TNIK: variants seen among roughly 807,000 people sequenced by gnomAD.
The protein encoded by TNIK is TRAF2 and NCK interacting kinase, also known as TRAF2 and NCK-interacting protein kinase.
A neutral mutation model predicts 191.3 loss-of-function variants in TNIK; 49 were observed. That is an observed-to-expected ratio of 0.26 (90% confidence interval 0.20 to 0.32). The LOEUF (loss-of-function observed/expected upper bound fraction) is 0.32. Ranked by LOEUF, TNIK falls within the 10% of genes least tolerant of loss-of-function variation. The pLI is 1.00. For missense variants in TNIK, 1,155 were observed against 1,702.3 expected, an observed-to-expected ratio of 0.68 and a Z score of 5.66; for synonymous variants, 594 against 600.9, an observed-to-expected ratio of 0.99 and a Z score of 0.17.
intron 26 of TNIK, 189 bp from the exon 27 acceptor site, chr3:171,082,583 T>C (rs1576758366): frequency 1.5e-6 from 1 of 686,330 alleles, no homozygotes; most frequent in Non-Finnish European, 2.3e-6. Flanking sequence ...GTAATGAAAT[T>C]ACAGTTTTCT....
chr3:171,191,350 C>CG (rs1396990126), intron 5 of TNIK, among the ~76,000 whole-genome samples: 1 of 152,160 alleles, frequency 6.6e-6, no homozygotes, highest in Non-Finnish European at 1.5e-5. Flanking sequence ...TGGATTCAAG[C>CG]GACTGCCTCA....
chr3:171,339,459 C>T (rs374621255), intron 2 of TNIK, among the ~76,000 whole-genome samples: 1 of 152,234 alleles, frequency 6.6e-6, no homozygotes, highest in Non-Finnish European at 1.5e-5. Context: ...AATGCCACTT[C>T]GCTTTTGTCA....
intron 4 of TNIK, among the ~76,000 whole-genome samples, chr3:171,199,001 A>G (rs959487065): frequency 8.5e-5 from 13 of 152,136 alleles, no homozygotes; most frequent in African/African-American, 3.1e-4. Flanking sequence ...AAGGAAGGCA[A>G]TGGAAGCCCA....
intron 1 of TNIK, among the ~76,000 whole-genome samples, chr3:171,447,123 A>T (rs1269657143): frequency 6.6e-6 from 1 of 152,134 alleles, no homozygotes; most frequent in Non-Finnish European, 1.5e-5. Flanking sequence ...CCCAGGAGGC[A>T]GAGGTTGCAG....
chr3:171,411,603 G>C (rs1722436056), intron 1 of TNIK, among the ~76,000 whole-genome samples: 1 of 152,146 alleles, frequency 6.6e-6, no homozygotes, highest in Non-Finnish European at 1.5e-5. Flanking sequence ...CTTCCAAGCG[G>C]AAATGAATAG....
chr3:171,334,871 GTTTCT>G (rs970299769), intron 2 of TNIK, among the ~76,000 whole-genome samples: 6 of 100,762 alleles, frequency 6.0e-5, no homozygotes, highest in Non-Finnish European at 4.0e-5. Context: ...ATCTTTATAA[GTTTCT>G]TTTTTTTTTT....
At chr3:171,303,669 G>A (rs1753117502) in intron 2 of TNIK, among the ~76,000 whole-genome samples, 1 of 152,106 alleles carries the variant, frequency 6.6e-6, no homozygotes, top group African/African-American at 2.4e-5. Context: ...AGCATCCCAA[G>A]GCTCAACTCA....
chr3:171,182,271 C>T (rs1418590338), intron 7 of TNIK, among the ~76,000 whole-genome samples: 1 of 139,648 alleles, frequency 7.2e-6, no homozygotes, highest in African/African-American at 2.6e-5. Flanking sequence ...TTGTAAGCTA[C>T]ACTCAACTGC....
chr3:171,115,113 T>A (rs912678279), intron 18 of TNIK, among the ~76,000 whole-genome samples: 2 of 152,234 alleles, frequency 1.3e-5, no homozygotes, highest in African/African-American at 4.8e-5. Flanking sequence ...TTAAGGTTTC[T>A]TGGAGTTGCT....
At chr3:171,255,365 C>T (rs1167298823) in intron 2 of TNIK, among the ~76,000 whole-genome samples, 2 of 152,150 alleles carry the variant, frequency 1.3e-5, no homozygotes, top group Admixed American at 6.5e-5. Flanking sequence ...GTGACAAATG[C>T]TGTCTGGTTA....
At chr3:171,449,322 C>T (rs1307078503) in intron 1 of TNIK, among the ~76,000 whole-genome samples, 1 of 152,148 alleles carries the variant, frequency 6.6e-6, no homozygotes, top group Non-Finnish European at 1.5e-5. Flanking sequence ...TTTGAGGAAT[C>T]GCCACACCGT....
chr3:171,388,952 C>T (rs1279238814), intron 1 of TNIK, among the ~76,000 whole-genome samples: 3 of 152,052 alleles, frequency 2.0e-5, no homozygotes, highest in Non-Finnish European at 4.4e-5. Context: ...AGTAAGTTCT[C>T]AGTGTTACAC....
intron 3 of TNIK, among the ~76,000 whole-genome samples, chr3:171,223,116 G>A (rs376471185): frequency 2.6e-5 from 4 of 151,966 alleles, no homozygotes; most frequent in African/African-American, 7.3e-5. Context: ...TTGTATCAAC[G>A]CCTTCTTGGC....
chr3:171,298,611 A>G (rs1400046331), intron 2 of TNIK, among the ~76,000 whole-genome samples: 2 of 152,168 alleles, frequency 1.3e-5, no homozygotes, highest in African/African-American at 2.4e-5. Context: ...TGAGGGGGAC[A>G]TGAGTTGCAG....
chr3:171,451,414 C>A (rs1265304957), intron 1 of TNIK, among the ~76,000 whole-genome samples: 2 of 152,236 alleles, frequency 1.3e-5, no homozygotes, highest in African/African-American at 4.8e-5. Flanking sequence ...AATCTTCCTG[C>A]AACCTCAGGA....
At chr3:171,068,724 C>A in intron 30 of TNIK, 124 bp downstream of exon 30, 1 of 952,986 alleles carries the variant, frequency 1.0e-6, no homozygotes. Context: ...TAATGAAGAA[C>A]GAAAGTCCAT....
At chr3:171,092,994 A>G (rs928330421) in intron 23 of TNIK, among the ~76,000 whole-genome samples, 4 of 152,250 alleles carry the variant, frequency 2.6e-5, no homozygotes, top group Admixed American at 6.5e-5. Flanking sequence ...TACTAACTCA[A>G]TATTCTCAAC....
chr3:171,336,834 T>A (rs1007291909), intron 2 of TNIK, among the ~76,000 whole-genome samples: 13 of 152,186 alleles, frequency 8.5e-5, no homozygotes, highest in Non-Finnish European at 1.6e-4. Context: ...AGAAGTAGGG[T>A]TACTGCTCTA....
intron 28 of TNIK, among the ~76,000 whole-genome samples, chr3:171,071,928 CT>C (rs1294387264): frequency 2.0e-5 from 3 of 152,156 alleles, no homozygotes; most frequent in Non-Finnish European, 4.4e-5. Flanking sequence ...ATTGTAAATT[CT>C]ATGGACAGAA....
Sources: gnomAD v4.1 joint callset for allele counts (sites outside exome capture counted in the v4.1 genomes callset) on GRCh38, gnomAD v4.1.1 for gene constraint, MANE v1.5 for transcripts, NCBI Gene and HGNC (gene_info 2026-07-23, HGNC 2026-07-21) for gene names.